Variants in NUBPL observed in about 807,000 individuals in gnomAD.
NUBPL encodes the protein NUBP iron-sulfur cluster assembly factor, mitochondrial, also known as iron-sulfur cluster transfer protein NUBPL.
Under a neutral mutation model 45.7 loss-of-function variants are expected in NUBPL, and 31 were observed. That is an observed-to-expected ratio of 0.68 (90% confidence interval 0.51 to 0.92). The LOEUF is 0.92. Ranked by LOEUF, NUBPL falls within the 40% of genes least tolerant of loss-of-function variation. The pLI, the probability that NUBPL is intolerant of heterozygous loss-of-function variation, is 0.00. For missense variants in NUBPL, 401 were observed against 398.7 expected, an observed-to-expected ratio of 1.01 and a Z score of -0.05; for synonymous variants, 144 against 140.9, an observed-to-expected ratio of 1.02 and a Z score of -0.15.
At chr14:31,754,493 G>C (rs1224021464) in intron 6 of NUBPL, among the ~76,000 whole-genome samples, 1 of 150,592 alleles carries the variant, frequency 6.6e-6, no homozygotes, top group Non-Finnish European at 1.5e-5. Context: ...AAACAACCCA[G>C]TTTTTCAACA....
At chr14:31,846,398 G>T in intron 8 of NUBPL, 73 bp from the exon 9 acceptor site, 2 of 1,280,248 alleles carry the variant, frequency 1.6e-6, no homozygotes, top group Non-Finnish European at 2.2e-6. Flanking sequence ...TAGGCACTCT[G>T]TAAAAATTTG....
chr14:31,706,329 G>C (rs1247045184), intron 6 of NUBPL, among the ~76,000 whole-genome samples: 1 of 152,206 alleles, frequency 6.6e-6, no homozygotes. Flanking sequence ...CTCGGTAGAA[G>C]TTGTTAGTTG....
chr14:31,746,818 C>T (rs912170485), intron 6 of NUBPL, among the ~76,000 whole-genome samples: 2 of 151,790 alleles, frequency 1.3e-5, no homozygotes, highest in African/African-American at 4.9e-5. Flanking sequence ...ACCTGTAATC[C>T]TAGCACTTTG....
At chr14:31,570,298 C>T (rs1247248206) in intron 3 of NUBPL, among the ~76,000 whole-genome samples, 1 of 152,046 alleles carries the variant, frequency 6.6e-6, no homozygotes, top group Admixed American at 6.6e-5. Flanking sequence ...TTAATTAAAG[C>T]AACATTTAAT....
At chr14:31,687,770 G>A (rs2036988243) in intron 6 of NUBPL, among the ~76,000 whole-genome samples, 2 of 152,200 alleles carry the variant, frequency 1.3e-5, no homozygotes, top group African/African-American at 4.8e-5. Context: ...CATGTGAAGT[G>A]CCACTAGTGA....
In NUBPL at chr14:31,701,784, C is replaced by T. The variant is rs376273721; in HGVS notation, c.513+28210C>T. Among the ~76,000 whole-genome samples the T allele has an allele frequency of 1.3e-3, 202 of 152,258 alleles. 4 individuals are homozygous for T. In the South Asian group the frequency reaches 0.038, roughly 29 times the overall value. ...TCTTTAAGAACTTTAACACTCACTG[C>T]GAGGGTCCGCGGCTTCATTCTTGAA... On this transcript the variant is annotated intron_variant, in intron 6 of 10. Coordinates refer to ENST00000281081, the MANE Select transcript of NUBPL (RefSeq NM_025152.3).
intron 3 of NUBPL, among the ~76,000 whole-genome samples, chr14:31,581,042 A>T (rs975027834): frequency 2.6e-5 from 4 of 152,192 alleles, no homozygotes; most frequent in Non-Finnish European, 4.4e-5. Flanking sequence ...GAACAAGACG[A>T]CTAGCTAGTA....
intron 4 of NUBPL, among the ~76,000 whole-genome samples, chr14:31,661,479 TAG>T (rs1217102503): frequency 6.6e-6 from 1 of 152,216 alleles, no homozygotes; most frequent in East Asian, 1.9e-4. Flanking sequence ...AGTTGTTGTG[TAG>T]AGTCTTTCTT....
intron 4 of NUBPL, among the ~76,000 whole-genome samples, chr14:31,645,339 T>TA (rs762326101): frequency 6.6e-6 from 1 of 152,176 alleles, no homozygotes; most frequent in Non-Finnish European, 1.5e-5. Flanking sequence ...GTGTTGGGAT[T>TA]ACAGGCGTGA....
At chr14:31,707,103 CATCCT>C (rs1344583376) in intron 6 of NUBPL, among the ~76,000 whole-genome samples, 2 of 152,204 alleles carry the variant, frequency 1.3e-5, no homozygotes, top group Non-Finnish European at 2.9e-5. Flanking sequence ...AACCATCTAT[CATCCT>C]GTCCTGTAGG....
At chr14:31,771,947 A>T (rs1033492526) in intron 6 of NUBPL, 5 of 881,278 alleles carry the variant, frequency 5.7e-6, no homozygotes, top group Middle Eastern at 5.6e-4. Flanking sequence ...ATGCTAGTCT[A>T]ACGCAGTAAT....
intron 4 of NUBPL, among the ~76,000 whole-genome samples, chr14:31,656,152 T>C (rs759832352): frequency 2.0e-5 from 3 of 152,194 alleles, no homozygotes; most frequent in Non-Finnish European, 2.9e-5. Flanking sequence ...CTTCTGTATC[T>C]TCCTCACCTC....
chr14:31,710,527 G>A (rs1005319412), intron 6 of NUBPL, among the ~76,000 whole-genome samples: 1 of 152,066 alleles, frequency 6.6e-6, no homozygotes, highest in Non-Finnish European at 1.5e-5. Context: ...ACCCTTTCCT[G>A]TCCTCCTAGA....
At chr14:31,764,115 A>T (rs540109669) in intron 6 of NUBPL, among the ~76,000 whole-genome samples, 58 of 152,254 alleles carry the variant, frequency 3.8e-4, no homozygotes, top group African/African-American at 1.4e-3. Context: ...CTTCTATTTC[A>T]TGGCATGGCT....
intron 6 of NUBPL, among the ~76,000 whole-genome samples, chr14:31,733,278 T>C (rs2038094193): frequency 1.3e-5 from 2 of 152,212 alleles, no homozygotes; most frequent in Non-Finnish European, 2.9e-5. Flanking sequence ...GTGTTCTTGA[T>C]TGCTGTAGAG....
intron 7 of NUBPL, among the ~76,000 whole-genome samples, chr14:31,791,801 A>T (rs1416903456): frequency 6.6e-6 from 1 of 152,220 alleles, no homozygotes; most frequent in South Asian, 2.1e-4. Flanking sequence ...TAGAACATTC[A>T]GGATTGCTCC....
At chr14:31,818,653 A>G (rs2039965981) in intron 7 of NUBPL, among the ~76,000 whole-genome samples, 1 of 152,124 alleles carries the variant, frequency 6.6e-6, no homozygotes, top group Non-Finnish European at 1.5e-5. Flanking sequence ...GGTTCACGCC[A>G]TTCTCCTGCC....
chr14:31,704,401 C>A (rs188825238), intron 6 of NUBPL, among the ~76,000 whole-genome samples: 1 of 152,074 alleles, frequency 6.6e-6, no homozygotes, highest in Non-Finnish European at 1.5e-5. Context: ...TGGTGGCCCA[C>A]GCCTGTAATC....
intron 7 of NUBPL, 152 bp from the exon 8 acceptor site, chr14:31,826,477 T>G: frequency 1.4e-6 from 1 of 733,306 alleles, no homozygotes; most frequent in Non-Finnish European, 2.4e-6. Context: ...GTCGACATTT[T>G]CTTGTCTTTC....
Sources: allele counts gnomAD v4.1 joint callset (sites outside exome capture counted in the v4.1 genomes callset), GRCh38; gene constraint gnomAD v4.1.1; transcripts MANE v1.5; gene names NCBI Gene and HGNC (gene_info 2026-07-23, HGNC 2026-07-21).